DTX4: variants seen among roughly 807,000 people sequenced by gnomAD.
DTX4 encodes the protein deltex E3 ubiquitin ligase 4.
In DTX4, 28 loss-of-function variants were observed where a neutral mutation model predicts 57.6. The ratio of observed to expected loss-of-function variants is 0.49; its 90% CI spans 0.36 to 0.67. The LOEUF is 0.67. Ranked by LOEUF, DTX4 falls within the 30% of genes least tolerant of loss-of-function variation. DTX4 has a pLI of 0.00. For missense variants in DTX4, 715 were observed against 836.8 expected (o/e 0.85, Z 1.80); for synonymous variants, 316 against 331.0 (o/e 0.95, Z 0.49).
intron 1 of DTX4, 129 bp downstream of exon 1, chr11:59,172,935 G>C (rs1212588600): frequency 8.2e-6 from 5 of 613,338 alleles, no homozygotes; most frequent in African/African-American, 1.9e-5. Flanking sequence ...ACCAAGAGGT[G>C]GTGGTGGGAG....
At chr11:59,203,394 T>C (rs1862762711) in intron 8 of DTX4, among the ~76,000 whole-genome samples, 1 of 152,204 alleles carries the variant, frequency 6.6e-6, no homozygotes. Context: ...CTTTTTTTTT[T>C]TTTACTTCTG....
At chr11:59,202,908 C>G (rs950846961) in intron 8 of DTX4, among the ~76,000 whole-genome samples, 4 of 152,152 alleles carry the variant, frequency 2.6e-5, no homozygotes, top group Admixed American at 6.5e-5. Flanking sequence ...ATGGTATAGC[C>G]TATTGCTTCT....
chr11:59,180,871 T>C (rs2135513890), intron 1 of DTX4, among the ~76,000 whole-genome samples: 1 of 152,306 alleles, frequency 6.6e-6, no homozygotes, highest in Middle Eastern at 3.4e-3. Context: ...ATCCTACCTT[T>C]AGGAGGGTTT....
chr11:59,173,972 G>A (rs529269030), intron 1 of DTX4, among the ~76,000 whole-genome samples: 25 of 152,304 alleles, frequency 1.6e-4, no homozygotes, highest in African/African-American at 5.8e-4. Context: ...GTGTGCTGGG[G>A]AGGACGTAGA....
chr11:59,191,729 T>A (rs1862601515), intron 5 of DTX4, among the ~76,000 whole-genome samples: 1 of 152,228 alleles, frequency 6.6e-6, no homozygotes, highest in African/African-American at 2.4e-5. Context: ...TCTGGTACAG[T>A]TAAAATACAA....
upstream of DTX4, chr11:59,171,556 G>A (rs1862322769): frequency 1.3e-5 from 2 of 152,266 alleles, no homozygotes. Context: ...ATTAGCAGAG[G>A]TTGGAGTGGC....
At chr11:59,178,921 G>A (rs1415533558) in intron 1 of DTX4, among the ~76,000 whole-genome samples, 1 of 152,024 alleles carries the variant, frequency 6.6e-6, no homozygotes, top group Non-Finnish European at 1.5e-5. Context: ...TGTCAGGCAG[G>A]AATAGAAGAA....
chr11:59,180,926 A>T (rs149080224), intron 1 of DTX4, among the ~76,000 whole-genome samples: 1 of 152,238 alleles, frequency 6.6e-6, no homozygotes, highest in African/African-American at 2.4e-5. Context: ...AATTATTCTC[A>T]TGACCATTGA....
chr11:59,189,802 C>G (rs1166759855), intron 4 of DTX4, among the ~76,000 whole-genome samples: 1 of 152,164 alleles, frequency 6.6e-6, no homozygotes, highest in African/African-American at 2.4e-5. Context: ...CCTGTGTCCC[C>G]CTAGAACCTA....
At chr11:59,193,112 G>A (rs771484333) in intron 6 of DTX4, among the ~76,000 whole-genome samples, 9 of 151,914 alleles carry the variant, frequency 5.9e-5, no homozygotes, top group Admixed American at 2.0e-4. Context: ...TGGATTATAC[G>A]TCTGTCTGGT....
chr11:59,185,182 G>A (rs1282192146), intron 2 of DTX4: 1 of 152,138 alleles, frequency 6.6e-6, no homozygotes, highest in Non-Finnish European at 1.5e-5. Context: ...CACCCCTCTA[G>A]CCCCCTCCTC....
At chr11:59,200,717 G>A (rs143732487) in intron 8 of DTX4, among the ~76,000 whole-genome samples, 16 of 152,224 alleles carry the variant, frequency 1.1e-4, no homozygotes, top group African/African-American at 3.9e-4. Context: ...TCTAAAATTA[G>A]AATAAAAAAT....
chr11:59,192,185 C>T lies in DTX4; in HGVS notation c.1309C>T (p.Leu437=). Residue 437 remains leucine, a synonymous_variant, in exon 6 of 9, where the codon CTG becomes TTG. Coordinates refer to ENST00000227451, the MANE Select transcript of DTX4 (RefSeq NM_015177.2). The part of the protein sequence containing the change: ...PTVKPDLVGK[L]SRCGHVYHIY... The stretch of plus-strand genomic sequence containing the variant: ...GGTAAAACCTGACCTGGTAGGGAAG[C>T]TGTCCAGATGCGGCCACGTCTACCA... 1 of 1,614,004 alleles carries T rather than the reference C, an allele frequency of 6.2e-7. No individual in the cohort carries two copies. Among genetic ancestry groups the T allele is most frequent in the Non-Finnish European group, 8.5e-7 (1 of 1,179,900 alleles).
At chr11:59,186,572 G>A (rs1862531897) in intron 2 of DTX4, among the ~76,000 whole-genome samples, 1 of 152,182 alleles carries the variant, frequency 6.6e-6, no homozygotes, top group Admixed American at 6.5e-5. Flanking sequence ...GGGCTTGGGT[G>A]GCCATTTTTT....
At chr11:59,201,798 C>T (rs1321085401) in intron 8 of DTX4, among the ~76,000 whole-genome samples, 1 of 152,256 alleles carries the variant, frequency 6.6e-6, no homozygotes, top group African/African-American at 2.4e-5. Flanking sequence ...AATGCCTCCA[C>T]TGTAAAGTCC....
Position 59,187,001 on chromosome 11 carries a change from T to A in DTX4, c.936-1734T>A, listed in dbSNP as rs190049386. On this transcript the variant is annotated intron_variant, in intron 2 of 8. Transcript: ENST00000227451. ...GCATTGGTGCACATGTCATCATCCC[T>A]GGGAAGGGACAGAGCCCCAGGCAGG... 9.8e-5 allele frequency among the ~76,000 whole-genome samples: 15 copies of A among 152,290 alleles called. No individual in the cohort carries two copies. In the South Asian group the frequency reaches 1.5e-3, roughly 15 times the overall value.
At chr11:59,178,627 G>T (rs541584902) in intron 1 of DTX4, among the ~76,000 whole-genome samples, 1 of 152,188 alleles carries the variant, frequency 6.6e-6, no homozygotes, top group African/African-American at 2.4e-5. Flanking sequence ...CTCCACAGTG[G>T]CATTCCTGCA....
At position 59,181,758 on chromosome 11, in the gene DTX4, C is replaced by T. The variant is rs368146768; in HGVS notation, c.231C>T (p.Arg77=). Residue 77 remains arginine (R), a synonymous_variant, in exon 2 of 9, where the codon CGC becomes CGT. Transcript: ENST00000227451. ...RQDTGTLRPV[R]RNYYDPSSAP... ...TGGCAGGAACTCTCCGCCCAGTTCG[C>T]CGCAACTACTACGACCCCTCCTCGG... is the stretch of plus-strand genomic sequence containing the variant. 2.3e-5 allele frequency: 37 copies of T among 1,606,884 alleles called. No individual in the cohort carries two copies. The highest frequency in any genetic ancestry group is 3.0e-5 in the Non-Finnish European group (35 of 1,175,420).
intron 2 of DTX4, 98 bp from the exon 3 acceptor site, chr11:59,188,637 C>T: frequency 1.0e-6 from 1 of 990,156 alleles, no homozygotes; most frequent in Non-Finnish European, 1.6e-6. Flanking sequence ...CTGCTGTCTG[C>T]TGTGTTAAGC....
Sources: allele counts gnomAD v4.1 joint callset (sites outside exome capture counted in the v4.1 genomes callset), GRCh38; gene constraint gnomAD v4.1.1; transcripts MANE v1.5; gene names NCBI Gene and HGNC (gene_info 2026-07-23, HGNC 2026-07-21).